FAT3: variants seen among roughly 807,000 people sequenced by gnomAD.
FAT3 encodes the protein protocadherin Fat 3.
Under a neutral mutation model 310.2 loss-of-function variants are expected in FAT3, and 95 were observed. The ratio of observed to expected loss-of-function variants is 0.31; its 90% CI spans 0.26 to 0.36. The LOEUF is 0.36. FAT3 is among the 10% of genes least tolerant of loss of function. The pLI, the probability that FAT3 is intolerant of heterozygous loss-of-function variation, is 1.00. For missense variants in FAT3, 5,408 were observed against 5,715.6 expected (o/e 0.95, Z 1.74); for synonymous variants, 2,314 against 2,192.9 (o/e 1.06, Z -1.54).
chr11:92,808,664 A>G (rs532187391), intron 12 of FAT3, among the ~76,000 whole-genome samples: 3 of 152,296 alleles, frequency 2.0e-5, no homozygotes, highest in African/African-American at 7.2e-5. Context: ...GGTGGCTCAC[A>G]TCTGTAATCC....
At chr11:92,323,521 G>T (rs1362289706) in intron 1 of FAT3, among the ~76,000 whole-genome samples, 1 of 151,792 alleles carries the variant, frequency 6.6e-6, no homozygotes, top group Non-Finnish European at 1.5e-5. Flanking sequence ...CAAAAGTACT[G>T]GGATTATAGG....
intron 2 of FAT3, among the ~76,000 whole-genome samples, chr11:92,412,277 AT>A (rs1403940513): frequency 6.6e-6 from 1 of 151,014 alleles, no homozygotes; most frequent in Non-Finnish European, 1.5e-5. Flanking sequence ...TAATTTTTGT[AT>A]TTTTAGTAGA....
At chr11:92,864,913 A>G (rs1324217289) in intron 21 of FAT3, among the ~76,000 whole-genome samples, 2 of 152,206 alleles carry the variant, frequency 1.3e-5, no homozygotes, top group Non-Finnish European at 2.9e-5. Context: ...TGCATGACAG[A>G]GCAAAGTATG....
chr11:92,891,428 G>A lies in FAT3; in HGVS notation c.*315G>A, dbSNP rs1949916814. The A allele has an allele frequency of 2.6e-6, 1 of 379,980 alleles. No homozygotes were observed. The highest frequency in any genetic ancestry group is 2.1e-5 in the African/African-American group (1 of 48,396). 23.5% of individuals were successfully genotyped at this position (379,980 alleles called of 1,614,324 possible). Reference sequence around the variant, plus strand: ...TATACAGCCAGTCTTGTATGGCTTTGTGCAGTATTGTGCCCTGGAAAGTGT... The same window carrying A: ...TATACAGCCAGTCTTGTATGGCTTTATGCAGTATTGTGCCCTGGAAAGTGT... On this transcript the variant is annotated 3_prime_UTR_variant, in exon 28 of 28. Transcript: ENST00000525166.
chr11:92,294,206 A>C (rs1269737327), intron 1 of FAT3, among the ~76,000 whole-genome samples: 1 of 152,072 alleles, frequency 6.6e-6, no homozygotes, highest in Non-Finnish European at 1.5e-5. Flanking sequence ...TGCATGCAGA[A>C]AGAAAGAAAT....
At chr11:92,835,157 A>G (rs1440033439) in intron 15 of FAT3, 73 bp downstream of exon 15, 15 of 1,326,022 alleles carry the variant, frequency 1.1e-5, no homozygotes, top group Non-Finnish European at 1.6e-5. Flanking sequence ...AGAAGAAAGC[A>G]AAGTCCGTCT....
At chr11:92,295,467 C>A (rs1946825734) in intron 1 of FAT3, among the ~76,000 whole-genome samples, 1 of 152,092 alleles carries the variant, frequency 6.6e-6, no homozygotes, top group South Asian at 2.1e-4. Context: ...TGTCTGAATA[C>A]AATTCTTTCA....
intron 4 of FAT3, among the ~76,000 whole-genome samples, chr11:92,714,967 T>G (rs1944633446): frequency 1.3e-5 from 2 of 152,134 alleles, no homozygotes; most frequent in African/African-American, 4.8e-5. Flanking sequence ...TGACAGAATC[T>G]TTAACTTTTT....
chr11:92,543,362 A>T (rs1954513564), intron 3 of FAT3, among the ~76,000 whole-genome samples: 1 of 152,202 alleles, frequency 6.6e-6, no homozygotes, highest in African/African-American at 2.4e-5. Flanking sequence ...AAAGGTAAGT[A>T]TATTATGTGA....
At chr11:92,494,709 C>T (rs1277224673) in intron 2 of FAT3, among the ~76,000 whole-genome samples, 8 of 152,002 alleles carry the variant, frequency 5.3e-5, no homozygotes, top group African/African-American at 1.9e-4. Context: ...CCAAGCCATC[C>T]TATTGCAGAA....
At chr11:92,671,131 G>A (rs748155427) in intron 3 of FAT3, among the ~76,000 whole-genome samples, 4 of 151,678 alleles carry the variant, frequency 2.6e-5, no homozygotes, top group Non-Finnish European at 5.9e-5. Context: ...TACAACCTCC[G>A]CTTCCTGGGT....
chr11:92,462,001 A>T (rs901014025), intron 2 of FAT3, among the ~76,000 whole-genome samples: 1 of 152,178 alleles, frequency 6.6e-6, no homozygotes, highest in South Asian at 2.1e-4. Context: ...CGCAGTATCC[A>T]TTGGGAGTCT....
rs532213877 is a variant in FAT3, at chr11:92,859,809, C to T, written c.11658+487C>T. 2.6e-5 allele frequency among the ~76,000 whole-genome samples: 4 copies of T among 152,292 alleles called. No homozygotes were observed. The South Asian group carries it at 6.2e-4, about 24-fold the overall frequency. ...GCCCAATTTTTCAGTCATTTCCTAG[C>T]CTCAGAAATGCTCCTAAAGCAGCCA... is the stretch of plus-strand genomic sequence containing the variant. On this transcript the variant is annotated intron_variant, in intron 21 of 27. Transcript: ENST00000525166.
rs2136419437 is a variant in FAT3 at position 92,883,424 on chromosome 11, G to A, written c.12937+31G>A. The stretch of plus-strand genomic sequence containing the variant: ...TAGGAAGTGGTAATGCTCACCCCTC[G>A]GTGCTTACAGGGAACCTGCAGGGGC... On this transcript the variant is annotated intron_variant, in intron 24 of 27. Transcript: ENST00000525166. This position sits in a 1 kb window ranked among gnomAD's most constrained non-coding sequence, Gnocchi z 4.2. 3 of 1,567,402 alleles carry A rather than the reference G, an allele frequency of 1.9e-6. No individual in the cohort carries two copies. Among genetic ancestry groups the A allele is most frequent in the Non-Finnish European group, 1.7e-6 (2 of 1,154,972 alleles).
At chr11:92,441,420 A>C (rs1951061059) in intron 2 of FAT3, among the ~76,000 whole-genome samples, 1 of 152,234 alleles carries the variant, frequency 6.6e-6, no homozygotes, top group African/African-American at 2.4e-5. Context: ...ATGAATAATC[A>C]AAAGCAGTAA....
intron 1 of FAT3, among the ~76,000 whole-genome samples, chr11:92,241,463 A>G (rs1864666746): frequency 6.6e-6 from 1 of 152,084 alleles, no homozygotes; most frequent in Admixed American, 6.6e-5. Context: ...CTCTGTTTTT[A>G]GATAGATATT....
chr11:92,865,301 C>T (rs1949214641), intron 21 of FAT3, among the ~76,000 whole-genome samples: 1 of 152,118 alleles, frequency 6.6e-6, no homozygotes, highest in African/African-American at 2.4e-5. Context: ...TCTGATAATC[C>T]CGAATAGGTC....
At chr11:92,306,755 AT>A (rs1474180732) in intron 1 of FAT3, among the ~76,000 whole-genome samples, 2 of 126,680 alleles carry the variant, frequency 1.6e-5, no homozygotes, top group African/African-American at 6.1e-5. Flanking sequence ...ATATATATAA[AT>A]ATATATATAA....
At chr11:92,587,724 G>C (rs1312402808) in intron 3 of FAT3, among the ~76,000 whole-genome samples, 1 of 151,896 alleles carries the variant, frequency 6.6e-6, no homozygotes, top group Non-Finnish European at 1.5e-5. Context: ...GGAATTGTAA[G>C]TGCTGGCCCC....
Sources: allele counts gnomAD v4.1 joint callset (sites outside exome capture counted in the v4.1 genomes callset), GRCh38; gene constraint gnomAD v4.1.1; non-coding constraint Gnocchi (gnomAD v3.1); transcripts MANE v1.5; gene names NCBI Gene and HGNC (gene_info 2026-07-23, HGNC 2026-07-21).